The following TXK variants were observed in gnomAD, a reference collection of about 807,000 sequenced individuals.
TXK encodes the protein TXK tyrosine kinase, also known as tyrosine-protein kinase TXK.
A neutral mutation model predicts 81.0 loss-of-function variants in TXK; 60 were observed. The observed-to-expected ratio is 0.74, with a 90% CI of 0.60 to 0.92. The LOEUF is 0.92. Among genes scored for constraint, TXK ranks in the 40% least tolerant of loss-of-function variants. TXK has a pLI of 0.00. For missense variants in TXK, 581 were observed against 638.3 expected (o/e 0.91, Z 0.97); for synonymous variants, 203 against 210.7 (o/e 0.96, Z 0.32).
intron 1 of TXK, chr4:48,114,642 G>A (rs1390162371): frequency 7.7e-6 from 4 of 518,926 alleles, no homozygotes; most frequent in Non-Finnish European, 1.0e-5. Context: ...CATTTCCTCA[G>A]TCTGTGAGTG....
chr4:48,112,263 T>C (rs1177329725), intron 4 of TXK, 44 bp downstream of exon 4: 1 of 1,572,644 alleles, frequency 6.4e-7, no homozygotes, highest in Admixed American at 1.7e-5. Context: ...GTCTTCTTTG[T>C]GTTGGAAGAA....
intron 1 of TXK, among the ~76,000 whole-genome samples, chr4:48,132,953 A>T (rs1338659691): frequency 6.6e-6 from 1 of 152,138 alleles, no homozygotes; most frequent in Non-Finnish European, 1.5e-5. Flanking sequence ...CTAAAAAAAA[A>T]AAAAAAGTCT....
At chr4:48,095,265 G>A in intron 6 of TXK, 43 bp from the exon 7 acceptor site, 1 of 1,501,128 alleles carries the variant, frequency 6.7e-7, no homozygotes, top group Non-Finnish European at 9.2e-7. Context: ...TTCCTTCTTA[G>A]AAAGACAAAC....
chr4:48,133,898 C>T (rs1460799025), intron 1 of TXK, among the ~76,000 whole-genome samples: 3 of 152,188 alleles, frequency 2.0e-5, no homozygotes, highest in Non-Finnish European at 4.4e-5. Context: ...TGCATTTCTA[C>T]ACACACATAT....
At chr4:48,067,809 T>G (rs1716670081) in intron 14 of TXK, 104 bp from the exon 15 acceptor site, 2 of 1,087,658 alleles carry the variant, frequency 1.8e-6, no homozygotes, top group African/African-American at 3.1e-5. Flanking sequence ...ATCCCACTGC[T>G]CGAGGTCATC....
intron 14 of TXK, among the ~76,000 whole-genome samples, chr4:48,069,890 C>T (rs911542266): frequency 1.3e-5 from 2 of 152,172 alleles, no homozygotes; most frequent in Admixed American, 6.5e-5. Context: ...GCTCCTAAAA[C>T]GGCTGCTTAT....
chr4:48,120,636 A>T (rs1718932739), intron 1 of TXK, among the ~76,000 whole-genome samples: 1 of 151,852 alleles, frequency 6.6e-6, no homozygotes, highest in Admixed American at 6.6e-5. Flanking sequence ...GATTACAGAC[A>T]CCTGTCACCA....
chr4:48,106,493 G>C (rs1718464469), intron 5 of TXK, among the ~76,000 whole-genome samples: 1 of 152,032 alleles, frequency 6.6e-6, no homozygotes, highest in Non-Finnish European at 1.5e-5. Flanking sequence ...GAAGGAGTTA[G>C]GGACAGGAAT....
intron 6 of TXK, among the ~76,000 whole-genome samples, chr4:48,103,104 C>T (rs1718263923): frequency 1.3e-5 from 2 of 152,268 alleles, no homozygotes; most frequent in Admixed American, 6.5e-5. Context: ...GGGTTGCGGG[C>T]CTGTGCGTAT....
chr4:48,096,040 C>T (rs1206554564), intron 6 of TXK, among the ~76,000 whole-genome samples: 2 of 152,152 alleles, frequency 1.3e-5, no homozygotes, highest in African/African-American at 4.8e-5. Flanking sequence ...GTATTATTTA[C>T]ATTGTGCTTG....
At chr4:48,076,164 T>C (rs907955720) in intron 12 of TXK, among the ~76,000 whole-genome samples, 1 of 152,214 alleles carries the variant, frequency 6.6e-6, no homozygotes, top group African/African-American at 2.4e-5. Context: ...TTTTAAGATA[T>C]ACCATAGTTT....
chr4:48,072,323 A>T (rs1716896315), intron 13 of TXK, among the ~76,000 whole-genome samples: 1 of 152,194 alleles, frequency 6.6e-6, no homozygotes, highest in African/African-American at 2.4e-5. Flanking sequence ...ATTTCTAAGC[A>T]GCAGTCACGT....
chr4:48,069,959 CTA>C lies in TXK; in HGVS notation c.1515+1556_1515+1557del, dbSNP rs1163333652. Among the ~76,000 whole-genome samples, 3 of 152,242 alleles carry C rather than the reference CTA, an allele frequency of 2.0e-5. No homozygotes were observed. In the East Asian group the frequency reaches 5.8e-4, roughly 29 times the overall value. ...TTCTTACAGCTTGCTGAGCATTTTTCTATGTCTTTCAAGATTCCTTGTAAAGT... is the reference window on the plus strand; with the variant it reads ...TTCTTACAGCTTGCTGAGCATTTTTCTGTCTTTCAAGATTCCTTGTAAAGT... On this transcript the variant is annotated intron_variant, in intron 14 of 14. Transcript: ENST00000264316.
chr4:48,124,539 C>T (rs944241778), intron 1 of TXK, among the ~76,000 whole-genome samples: 24 of 152,030 alleles, frequency 1.6e-4, no homozygotes, highest in African/African-American at 5.1e-4. Flanking sequence ...AATATCAACA[C>T]CCTTACATTA....
At chr4:48,078,828 C>G (rs1717171913) in intron 11 of TXK, among the ~76,000 whole-genome samples, 1 of 152,162 alleles carries the variant, frequency 6.6e-6, no homozygotes, top group Non-Finnish European at 1.5e-5. Flanking sequence ...AAAACTGGAA[C>G]TTGTTCTTCA....
At chr4:48,130,669 A>G (rs955692) in intron 1 of TXK, among the ~76,000 whole-genome samples, 59,284 of 152,124 alleles carry the variant, frequency 0.39, 11,908 homozygotes, top group Admixed American at 0.47. Context: ...GGAGGCAGAT[A>G]TCATCAGGCC....
intron 2 of TXK, 151 bp downstream of exon 2, chr4:48,114,197 C>A: frequency 1.4e-6 from 1 of 706,954 alleles, no homozygotes; most frequent in South Asian, 1.8e-5. Flanking sequence ...TGACCTAGAC[C>A]TGTAAACAAA....
At chr4:48,099,548 A>C (rs971850003) in intron 6 of TXK, among the ~76,000 whole-genome samples, 1 of 151,986 alleles carries the variant, frequency 6.6e-6, no homozygotes, top group African/African-American at 2.4e-5. Context: ...ACCAACAGGA[A>C]GATTTTTTAA....
At chr4:48,070,768 AG>A (rs781274932) in intron 14 of TXK, among the ~76,000 whole-genome samples, 19 of 150,822 alleles carry the variant, frequency 1.3e-4, no homozygotes, top group South Asian at 6.3e-4. Flanking sequence ...TAGTAGAGAC[AG>A]GGTTTCACCA....
Sources: gnomAD v4.1 joint callset for allele counts (sites outside exome capture counted in the v4.1 genomes callset) on GRCh38, gnomAD v4.1.1 for gene constraint, MANE v1.5 for transcripts, NCBI Gene and HGNC (gene_info 2026-07-23, HGNC 2026-07-21) for gene names.